The following COP1 variants were observed in gnomAD, a reference collection of about 807,000 sequenced individuals.
COP1 encodes E3 ubiquitin-protein ligase COP1.
COP1 carries 24 observed loss-of-function variants against 101.3 expected under a neutral mutation model. That is an observed-to-expected ratio of 0.24 (90% CI 0.17 to 0.33). The LOEUF (loss-of-function observed/expected upper bound fraction) is 0.33, where lower values mean the gene tolerates loss of function less well. Among genes scored for constraint, COP1 ranks in the 10% least tolerant of loss-of-function variants. The pLI, the probability that COP1 is intolerant of heterozygous loss-of-function variation, is 1.00. For synonymous variants in COP1, 347 were observed against 341.9 expected, an observed-to-expected ratio of 1.01 and a Z score of -0.17; for missense variants, 663 against 906.2, an observed-to-expected ratio of 0.73 and a Z score of 3.45.
chr1:176,173,511 A>T (rs1251443888), intron 3 of COP1, among the ~76,000 whole-genome samples: 1 of 150,920 alleles, frequency 6.6e-6, no homozygotes, highest in East Asian at 2.0e-4. Context: ...ATGGTGGCGC[A>T]TGTCTGTAGC....
At chr1:176,067,821 T>C (rs1490059040) in intron 11 of COP1, among the ~76,000 whole-genome samples, 2 of 152,162 alleles carry the variant, frequency 1.3e-5, no homozygotes, top group Non-Finnish European at 2.9e-5. Flanking sequence ...CTATAACACA[T>C]GCCCACTGGG....
At chr1:176,121,614 A>C (rs906719108) in intron 8 of COP1, among the ~76,000 whole-genome samples, 1 of 152,172 alleles carries the variant, frequency 6.6e-6, no homozygotes, top group Non-Finnish European at 1.5e-5. Flanking sequence ...GACAGTTGCA[A>C]CTTGGACATA....
chr1:176,148,897 T>C (rs1049647062), intron 6 of COP1, 109 bp downstream of exon 6: 2 of 668,742 alleles, frequency 3.0e-6, no homozygotes, highest in South Asian at 4.7e-5. Flanking sequence ...AAAATTCAAA[T>C]GCTTTTAAAA....
chr1:176,163,997 C>A, intron 3 of COP1, 106 bp from the exon 4 acceptor site: 1 of 604,182 alleles, frequency 1.7e-6, no homozygotes, highest in South Asian at 2.7e-5. Context: ...TACATAGCCT[C>A]CAAATTCAAA....
chr1:175,966,251 T>A (rs551991045), intron 18 of COP1, among the ~76,000 whole-genome samples: 25 of 151,418 alleles, frequency 1.7e-4, no homozygotes, highest in Non-Finnish European at 3.2e-4. Context: ...GGGGGTTGAG[T>A]GAATTAGCTG....
intron 18 of COP1, among the ~76,000 whole-genome samples, chr1:175,959,718 C>T (rs56952885): frequency 0.053 from 8,090 of 152,134 alleles, 468 homozygotes; most frequent in South Asian, 0.14. Flanking sequence ...ATAATATACA[C>T]ATGTGGTAAA....
chr1:176,063,045 A>ATTT lies in COP1; in HGVS notation c.1278-16722_1278-16721insAAA, dbSNP rs1428279033. On this transcript the variant is annotated intron_variant, in intron 11 of 19. Transcript: ENST00000367669. ...GTGGTGGAAGAGAAAATTTTTGAAAATGTTTTTTTTTTTTTTTTTTTTTTT... is the reference window on the plus strand; with the variant it reads ...GTGGTGGAAGAGAAAATTTTTGAAAATTTTGTTTTTTTTTTTTTTTTTTTTTTT... Among the ~76,000 whole-genome samples the ATTT allele has an allele frequency of 1.4e-4, 13 of 96,008 alleles. 1 individual carries two copies. Among genetic ancestry groups the ATTT allele is most frequent in the Admixed American group, 1.3e-4 (1 of 7,814 alleles). The allele number at this position is 96,008 out of a possible 152,430, so 63.0% of individuals were successfully genotyped here. A position where few individuals can be genotyped will look rare whatever the true frequency, so the allele number is the denominator to read the frequency against.
chr1:176,150,829 C>T (rs919519663), intron 5 of COP1, among the ~76,000 whole-genome samples: 1 of 152,128 alleles, frequency 6.6e-6, no homozygotes, highest in African/African-American at 2.4e-5. Flanking sequence ...GTGGGTCCAA[C>T]TACATACACC....
At chr1:176,033,223 C>T (rs998484834) in intron 14 of COP1, among the ~76,000 whole-genome samples, 2 of 151,942 alleles carry the variant, frequency 1.3e-5, no homozygotes, top group Non-Finnish European at 2.9e-5. Flanking sequence ...ACCAGCCTGA[C>T]CAACATGGTG....
At chr1:176,150,364 TA>T (rs1221963060) in intron 5 of COP1, among the ~76,000 whole-genome samples, 1 of 152,236 alleles carries the variant, frequency 6.6e-6, no homozygotes, top group Non-Finnish European at 1.5e-5. Context: ...TACAACTGAA[TA>T]AATTTCCAAA....
intron 19 of COP1, among the ~76,000 whole-genome samples, chr1:175,946,043 A>G (rs959704779): frequency 2.6e-5 from 4 of 152,208 alleles, no homozygotes; most frequent in African/African-American, 9.6e-5. Context: ...TGTAAAGGAT[A>G]AACTTTTTGA....
At chr1:176,008,934 G>T (rs748010962) in intron 15 of COP1, among the ~76,000 whole-genome samples, 1 of 152,126 alleles carries the variant, frequency 6.6e-6, no homozygotes, top group African/African-American at 2.4e-5. Context: ...TGCTTTGCAC[G>T]ATTTGTGTGT....
At chr1:176,065,164 C>T (rs1023066585) in intron 11 of COP1, among the ~76,000 whole-genome samples, 1 of 152,100 alleles carries the variant, frequency 6.6e-6, no homozygotes, top group African/African-American at 2.4e-5. Flanking sequence ...GCCTTACTTA[C>T]TGTGTTTCAG....
rs76741448 is a variant in COP1, at chr1:175,990,782, C to T, written c.1730-1303G>A. Among the ~76,000 whole-genome samples the T allele has an allele frequency of 6.6e-3, 1,009 of 152,166 alleles. 9 individuals carry two copies. The highest frequency in any genetic ancestry group is 0.023 in the African/African-American group (957 of 41,524). The stretch of plus-strand genomic sequence containing the variant: ...TATATTCTGTTCGACCTAAATATAG[C>T]CATTCTACCATTTTTCTTGACTACT... On this transcript the variant is annotated intron_variant, in intron 15 of 19. Coordinates refer to ENST00000367669, the MANE Select transcript of COP1 (RefSeq NM_022457.7).
At chr1:176,151,352 A>AG (rs1692457606) in intron 5 of COP1, among the ~76,000 whole-genome samples, 3 of 120,810 alleles carry the variant, frequency 2.5e-5, no homozygotes, top group Non-Finnish European at 3.5e-5. Context: ...GGAAAGAAAG[A>AG]AAAAGAAAGA....
chr1:176,170,865 C>G (rs1695938976), intron 3 of COP1, among the ~76,000 whole-genome samples: 1 of 152,112 alleles, frequency 6.6e-6, no homozygotes, highest in African/African-American at 2.4e-5. Flanking sequence ...ATAGCTCACG[C>G]CTGTAATCCC....
intron 15 of COP1, among the ~76,000 whole-genome samples, chr1:176,007,410 G>A (rs1344756186): frequency 6.6e-6 from 1 of 152,238 alleles, no homozygotes; most frequent in Non-Finnish European, 1.5e-5. Context: ...TTTGGAGGAA[G>A]AGAGGCACTC....
At chr1:176,113,980 T>C (rs2149582293) in intron 9 of COP1, among the ~76,000 whole-genome samples, 1 of 151,072 alleles carries the variant, frequency 6.6e-6, no homozygotes, top group Non-Finnish European at 1.5e-5. Context: ...ACAGTGACCT[T>C]GTTTTTTAAA....
At chr1:176,104,538 G>C (rs1480202431) in intron 9 of COP1, among the ~76,000 whole-genome samples, 1 of 151,838 alleles carries the variant, frequency 6.6e-6, no homozygotes, top group Non-Finnish European at 1.5e-5. Flanking sequence ...TAGTAAACCA[G>C]TAAACATATG....
Sources: gnomAD v4.1 joint callset for allele counts (sites outside exome capture counted in the v4.1 genomes callset) on GRCh38, gnomAD v4.1.1 for gene constraint, MANE v1.5 for transcripts, NCBI Gene and HGNC (gene_info 2026-07-23, HGNC 2026-07-21) for gene names.